SHISA6: variants seen among roughly 807,000 people sequenced by gnomAD.
SHISA6 encodes the protein protein shisa-6.
A neutral mutation model predicts 47.9 loss-of-function variants in SHISA6; 22 were observed. That is an observed-to-expected ratio of 0.46 (90% confidence interval 0.33 to 0.66). The LOEUF (loss-of-function observed/expected upper bound fraction) is 0.66, where lower values mean the gene tolerates loss of function less well. Among genes scored for constraint, SHISA6 ranks in the 30% least tolerant of loss-of-function variants. SHISA6 has a pLI of 0.02. For missense variants in SHISA6, 680 were observed against 764.6 expected, an observed-to-expected ratio of 0.89 and a Z score of 1.30; for synonymous variants, 388 against 337.8, an observed-to-expected ratio of 1.15 and a Z score of -1.63.
At chr17:11,307,913 G>C (rs566797550) in intron 2 of SHISA6, among the ~76,000 whole-genome samples, 1 of 152,284 alleles carries the variant, frequency 6.6e-6, no homozygotes, top group South Asian at 2.1e-4. Flanking sequence ...GTTGAAGGTA[G>C]AATAACTAAG....
At chr17:11,389,040 T>A (rs1597488893) in intron 3 of SHISA6, among the ~76,000 whole-genome samples, 1 of 151,794 alleles carries the variant, frequency 6.6e-6, no homozygotes, top group East Asian at 2.0e-4. Context: ...GGACTCTGTC[T>A]CCAGCTGGAT....
At chr17:11,385,026 C>T (rs961319838) in intron 3 of SHISA6, among the ~76,000 whole-genome samples, 7 of 152,142 alleles carry the variant, frequency 4.6e-5, no homozygotes, top group African/African-American at 1.4e-4. Flanking sequence ...AGCAGACAAA[C>T]TTACATGTCA....
intron 3 of SHISA6, among the ~76,000 whole-genome samples, chr17:11,460,245 C>T (rs1261755147): frequency 2.6e-5 from 4 of 152,174 alleles, no homozygotes; most frequent in Non-Finnish European, 5.9e-5. Flanking sequence ...GAAGGAAGAA[C>T]TTTCCTACTG....
intron 3 of SHISA6, among the ~76,000 whole-genome samples, chr17:11,389,353 T>C (rs538073762): frequency 1.3e-5 from 2 of 152,140 alleles, no homozygotes; most frequent in Non-Finnish European, 2.9e-5. Flanking sequence ...TTGCGGAAGT[T>C]TCAGCTCTTA....
chr17:11,410,271 G>A lies in SHISA6; in HGVS notation c.895+30762G>A, dbSNP rs1216421500. 2.0e-5 allele frequency among the ~76,000 whole-genome samples: 3 copies of A among 152,198 alleles called. No individual in the cohort carries two copies. In the East Asian group the frequency reaches 5.8e-4, roughly 29 times the overall value. On this transcript the variant is annotated intron_variant, in intron 3 of 5. Coordinates refer to ENST00000441885, the MANE Select transcript of SHISA6 (RefSeq NM_207386.4). ...CAATCAACAACCCTCGGAGGAGGTTGGATGAGTTATCCAGTTCACTGAAGC... is the reference window on the plus strand; with the variant it reads ...CAATCAACAACCCTCGGAGGAGGTTAGATGAGTTATCCAGTTCACTGAAGC...
intron 3 of SHISA6, among the ~76,000 whole-genome samples, chr17:11,426,669 A>G (rs1184077272): frequency 6.6e-6 from 1 of 152,250 alleles, no homozygotes; most frequent in African/African-American, 2.4e-5. Flanking sequence ...TAATACGTCT[A>G]GATAAACATC....
intron 3 of SHISA6, among the ~76,000 whole-genome samples, chr17:11,506,038 A>T (rs1269487686): frequency 6.6e-6 from 1 of 152,210 alleles, no homozygotes; most frequent in East Asian, 1.9e-4. Context: ...ACAGCAACTG[A>T]CCACTCCTAA....
chr17:11,293,194 G>A (rs577609937), intron 2 of SHISA6, among the ~76,000 whole-genome samples: 1 of 152,182 alleles, frequency 6.6e-6, no homozygotes, highest in East Asian at 1.9e-4. Flanking sequence ...GTTTTTCACA[G>A]TTGCATTCTA....
chr17:11,478,747 T>A (rs1435155953), intron 3 of SHISA6, among the ~76,000 whole-genome samples: 3 of 118,150 alleles, frequency 2.5e-5, no homozygotes, highest in Admixed American at 9.5e-5. Flanking sequence ...GCGGCGTTAT[T>A]TCTGAGGGCT....
intron 2 of SHISA6, among the ~76,000 whole-genome samples, chr17:11,371,393 C>G (rs1443667170): frequency 6.6e-6 from 1 of 152,110 alleles, no homozygotes; most frequent in African/African-American, 2.4e-5. Flanking sequence ...TCCCTTGACT[C>G]TTTATGGCCT....
chr17:11,320,914 G>A (rs12942682), intron 2 of SHISA6, among the ~76,000 whole-genome samples: 86,915 of 152,034 alleles, frequency 0.57, 25,884 homozygotes, highest in Middle Eastern at 0.67. Flanking sequence ...TTCAGGGTGG[G>A]AAATGTGATA....
At chr17:11,465,636 T>TG (rs797016078) in intron 3 of SHISA6, among the ~76,000 whole-genome samples, 2 of 152,278 alleles carry the variant, frequency 1.3e-5, no homozygotes, top group African/African-American at 4.8e-5. Flanking sequence ...TCTAGAATGT[T>TG]GGAGTCATGG....
At chr17:11,276,431 TCTTAA>T (rs1475721063) in intron 2 of SHISA6, among the ~76,000 whole-genome samples, 1 of 152,194 alleles carries the variant, frequency 6.6e-6, no homozygotes, top group South Asian at 2.1e-4. Flanking sequence ...GGTTTATTTT[TCTTAA>T]CTTGTTATTT....
chr17:11,500,646 G>A (rs974354865), intron 3 of SHISA6, among the ~76,000 whole-genome samples: 1 of 152,132 alleles, frequency 6.6e-6, no homozygotes, highest in Non-Finnish European at 1.5e-5. Flanking sequence ...TAACAAATAC[G>A]GTAGCCACTA....
chr17:11,335,244 A>G (rs376369606), intron 2 of SHISA6, among the ~76,000 whole-genome samples: 15 of 152,166 alleles, frequency 9.9e-5, no homozygotes, highest in African/African-American at 3.1e-4. Flanking sequence ...GCAGGCCTCT[A>G]TTTAGATGCT....
rs75621785 is a variant in SHISA6, at chr17:11,553,019, A to G, written c.952+1067A>G. Among the ~76,000 whole-genome samples, 840 of 152,342 alleles carry G rather than the reference A, an allele frequency of 5.5e-3. 9 individuals are homozygous for G. The highest frequency in any genetic ancestry group is 0.019 in the African/African-American group (789 of 41,572). On this transcript the variant is annotated intron_variant, in intron 4 of 5. Transcript: ENST00000441885. ...AACTGAATGTGGCTGATGAGAGCCA[A>G]TGATGACACTGATTAGAAAAATGAA...
chr17:11,265,215 C>T (rs1421176934), intron 2 of SHISA6, among the ~76,000 whole-genome samples: 1 of 152,216 alleles, frequency 6.6e-6, no homozygotes, highest in African/African-American at 2.4e-5. Flanking sequence ...TTTAAACAAT[C>T]TCCCCAAGGT....
chr17:11,262,106 A>C (rs970747692), intron 1 of SHISA6, among the ~76,000 whole-genome samples: 1 of 152,206 alleles, frequency 6.6e-6, no homozygotes, highest in Non-Finnish European at 1.5e-5. Context: ...ATATGGTGTG[A>C]GGTAAGGATC....
At chr17:11,506,599 T>C (rs926136159) in intron 3 of SHISA6, among the ~76,000 whole-genome samples, 1 of 152,168 alleles carries the variant, frequency 6.6e-6, no homozygotes, top group African/African-American at 2.4e-5. Flanking sequence ...GTCTAGCAGT[T>C]GCACTCAACT....
Sources: gnomAD v4.1 joint callset for allele counts (sites outside exome capture counted in the v4.1 genomes callset) on GRCh38, gnomAD v4.1.1 for gene constraint, MANE v1.5 for transcripts, NCBI Gene and HGNC (gene_info 2026-07-23, HGNC 2026-07-21) for gene names.